PCDH7: variants seen among roughly 807,000 people sequenced by gnomAD.
The protein encoded by PCDH7 is protocadherin-7.
A neutral mutation model predicts 58.9 loss-of-function variants in PCDH7; 17 were observed. That is an observed-to-expected ratio of 0.29 (90% CI 0.20 to 0.43). The LOEUF (loss-of-function observed/expected upper bound fraction) is 0.43, where lower values mean the gene tolerates loss of function less well. Ranked by LOEUF, PCDH7 falls within the 20% of genes least tolerant of loss-of-function variation. The pLI, the probability that PCDH7 is intolerant of heterozygous loss-of-function variation, is 1.00. For missense variants in PCDH7, 1,274 were observed against 1,441.0 expected (o/e 0.88, Z 1.88); for synonymous variants, 664 against 616.4 (o/e 1.08, Z -1.14).
chr4:31,133,551 G>T (rs1719233475), intron 3 of PCDH7, among the ~76,000 whole-genome samples: 1 of 152,138 alleles, frequency 6.6e-6, no homozygotes, highest in South Asian at 2.1e-4. Context: ...CTATATCAGT[G>T]AATCATCTCA....
intron 3 of PCDH7, among the ~76,000 whole-genome samples, chr4:31,119,696 G>T (rs1266431065): frequency 6.6e-6 from 1 of 152,056 alleles, no homozygotes; most frequent in Non-Finnish European, 1.5e-5. Flanking sequence ...TTTACCCCTG[G>T]ATTCTTTCAG....
chr4:30,774,386 A>C (rs1233325526), intron 1 of PCDH7, among the ~76,000 whole-genome samples: 1 of 152,162 alleles, frequency 6.6e-6, no homozygotes, highest in Non-Finnish European at 1.5e-5. Context: ...ATAAGTTTTT[A>C]TGTTTATGTA....
intron 3 of PCDH7, among the ~76,000 whole-genome samples, chr4:31,068,450 T>C (rs575078001): frequency 6.6e-6 from 1 of 152,022 alleles, no homozygotes; most frequent in African/African-American, 2.4e-5. Flanking sequence ...GGAACTGTAT[T>C]AGGCTTGTAG....
chr4:31,098,415 A>G (rs575929022), intron 3 of PCDH7, among the ~76,000 whole-genome samples: 2 of 152,336 alleles, frequency 1.3e-5, no homozygotes, highest in Non-Finnish European at 2.9e-5. Flanking sequence ...TATTTCTAAT[A>G]TTCCTAGTCA....
At position 30,828,773 on chromosome 4, in the gene PCDH7, A is replaced by G. The variant is rs563705829; in HGVS notation, c.71-91380A>G. On this transcript the variant is annotated intron_variant, in intron 1 of 3. Transcript: ENST00000509759. ...CTGTGCAATTATGGCTGCTGAAGGTATTTTCTGGTTTGTCATTTATAAGAC... is the reference window on the plus strand; with the variant it reads ...CTGTGCAATTATGGCTGCTGAAGGTGTTTTCTGGTTTGTCATTTATAAGAC... Among the ~76,000 whole-genome samples, 9 of 150,804 alleles carry G rather than the reference A, an allele frequency of 6.0e-5. No homozygotes were observed. In the East Asian group the frequency reaches 1.8e-3, roughly 29 times the overall value.
At chr4:30,929,405 A>T (rs372553963) in intron 2 of PCDH7, among the ~76,000 whole-genome samples, 63 of 152,246 alleles carry the variant, frequency 4.1e-4, no homozygotes, top group East Asian at 4.1e-3. Flanking sequence ...ACGCAGGTAG[A>T]TTTTTTGGCA....
chr4:30,769,203 T>C (rs1233520612), intron 1 of PCDH7, among the ~76,000 whole-genome samples: 1 of 152,214 alleles, frequency 6.6e-6, no homozygotes, highest in Non-Finnish European at 1.5e-5. Flanking sequence ...CTTGCAGAGT[T>C]GCAGGACTGT....
At chr4:30,776,994 G>A (rs1560358742) in intron 1 of PCDH7, among the ~76,000 whole-genome samples, 1 of 151,822 alleles carries the variant, frequency 6.6e-6, no homozygotes, top group Non-Finnish European at 1.5e-5. Flanking sequence ...GTGTTGTTGA[G>A]GTACATTTGA....
intron 3 of PCDH7, among the ~76,000 whole-genome samples, chr4:31,068,610 G>A (rs1450843920): frequency 6.6e-6 from 1 of 151,898 alleles, no homozygotes; most frequent in African/African-American, 2.4e-5. Context: ...TAATAACCCA[G>A]CAAGGTCACA....
chr4:31,074,325 A>G (rs1578723130), intron 3 of PCDH7, among the ~76,000 whole-genome samples: 1 of 151,756 alleles, frequency 6.6e-6, no homozygotes, highest in East Asian at 1.9e-4. Flanking sequence ...ATCTAGGGCA[A>G]TAGGTGTTTA....
intron 2 of PCDH7, among the ~76,000 whole-genome samples, chr4:30,940,031 C>T (rs1168256198): frequency 1.3e-5 from 2 of 151,322 alleles, no homozygotes; most frequent in African/African-American, 4.9e-5. Flanking sequence ...TTGATGAGCA[C>T]GTGCCTGAAA....
chr4:30,754,588 T>TA (rs1207577498), intron 1 of PCDH7, among the ~76,000 whole-genome samples: 2 of 151,782 alleles, frequency 1.3e-5, no homozygotes, highest in African/African-American at 2.4e-5. Flanking sequence ...TTTATTGCTG[T>TA]AAAAAAAATG....
chr4:30,896,875 CTCCTAGTTCT>C (rs1334950496), intron 1 of PCDH7, among the ~76,000 whole-genome samples: 1 of 111,790 alleles, frequency 8.9e-6, no homozygotes, highest in Non-Finnish European at 1.9e-5. Context: ...TCTTGTGCCC[CTCCTAGTTCT>C]TTGCTTTTTT....
At chr4:30,799,139 T>C (rs1209268124) in intron 1 of PCDH7, among the ~76,000 whole-genome samples, 1 of 152,160 alleles carries the variant, frequency 6.6e-6, no homozygotes, top group East Asian at 1.9e-4. Flanking sequence ...CACCTTTAAT[T>C]CTAATTAAAA....
chr4:30,862,953 T>TA (rs930612971), intron 1 of PCDH7, among the ~76,000 whole-genome samples: 19 of 149,070 alleles, frequency 1.3e-4, no homozygotes, highest in Admixed American at 4.0e-4. Context: ...TTAAAGGAAT[T>TA]AAAAAAAAAA....
intron 3 of PCDH7, among the ~76,000 whole-genome samples, chr4:31,133,224 T>G (rs1443848484): frequency 6.6e-6 from 1 of 152,202 alleles, no homozygotes; most frequent in Non-Finnish European, 1.5e-5. Flanking sequence ...ATGTTGGAAC[T>G]ATTCTGAGAC....
chr4:31,013,668 G>A (rs186246012), intron 3 of PCDH7, among the ~76,000 whole-genome samples: 17 of 151,672 alleles, frequency 1.1e-4, no homozygotes, highest in Non-Finnish European at 2.5e-4. Flanking sequence ...TAATGAATGT[G>A]CATAAAGAGC....
chr4:31,089,085 C>T (rs1282080874), intron 3 of PCDH7, among the ~76,000 whole-genome samples: 1 of 152,000 alleles, frequency 6.6e-6, no homozygotes, highest in Admixed American at 6.6e-5. Flanking sequence ...AAGAGCACCA[C>T]TTGTTTGCTT....
intron 3 of PCDH7, among the ~76,000 whole-genome samples, chr4:31,035,689 T>A (rs1039965577): frequency 1.3e-5 from 2 of 152,224 alleles, no homozygotes; most frequent in South Asian, 4.1e-4. Context: ...CAAATGGTAG[T>A]GCCACCATGT....
Sources: allele counts gnomAD v4.1 joint callset (sites outside exome capture counted in the v4.1 genomes callset), GRCh38; gene constraint gnomAD v4.1.1; transcripts MANE v1.5; gene names NCBI Gene and HGNC (gene_info 2026-07-23, HGNC 2026-07-21).